AFF4: variants seen among roughly 807,000 people sequenced by gnomAD.
The protein encoded by AFF4 is AF4/FMR2 family member 4.
AFF4 carries 13 observed loss-of-function variants against 124.8 expected under a neutral mutation model. That is an observed-to-expected ratio of 0.10 (90% CI 0.07 to 0.17). The LOEUF (loss-of-function observed/expected upper bound fraction) is 0.17, where lower values mean the gene tolerates loss of function less well. Ranked by LOEUF, AFF4 falls within the 10% of genes least tolerant of loss-of-function variation. The pLI, the probability that AFF4 is intolerant of heterozygous loss-of-function variation, is 1.00. For synonymous variants in AFF4, 477 were observed against 496.1 expected (o/e 0.96, Z 0.51); for missense variants, 1,092 against 1,403.8 (o/e 0.78, Z 3.55).
intron 13 of AFF4, among the ~76,000 whole-genome samples, chr5:132,891,380 A>C (rs1466714995): frequency 6.6e-6 from 1 of 152,208 alleles, no homozygotes; most frequent in East Asian, 1.9e-4. Context: ...TTACTAAATA[A>C]TAGGTATTTT....
intron 7 of AFF4, chr5:132,901,164 C>T (rs889906263): frequency 1.0e-6 from 1 of 985,214 alleles, no homozygotes; most frequent in Non-Finnish European, 1.2e-6. Context: ...TGAATTCTCT[C>T]GGCCTTTATG....
In AFF4 at chr5:132,909,262, A is replaced by G. The variant is rs117050732; in HGVS notation, c.1051-4858T>C. Reference sequence around the variant, plus strand: ...TTGGGCTCAAATGACTCTCCAGCTCAGCCTCCCAAGTAGCTGGGATTATAG... The same window carrying G: ...TTGGGCTCAAATGACTCTCCAGCTCGGCCTCCCAAGTAGCTGGGATTATAG... On this transcript the variant is annotated intron_variant, in intron 5 of 20. Transcript: ENST00000265343. 4.6e-5 allele frequency among the ~76,000 whole-genome samples: 7 copies of G among 151,368 alleles called. No homozygotes were observed. The East Asian group carries it at 1.2e-3, about 25-fold the overall frequency.
At chr5:132,952,262 T>A (rs570025456) in intron 1 of AFF4, among the ~76,000 whole-genome samples, 1 of 152,326 alleles carries the variant, frequency 6.6e-6, no homozygotes, top group South Asian at 2.1e-4. Flanking sequence ...TTCTACTGTT[T>A]CCAATTTCCC....
chr5:132,883,267 G>A, intron 20 of AFF4, 73 bp downstream of exon 20: 9 of 1,371,986 alleles, frequency 6.6e-6, no homozygotes, highest in Non-Finnish European at 8.2e-6. Flanking sequence ...CAGACTAAAC[G>A]CTTACTTAAC....
chr5:132,926,394 G>A (rs1025158760), intron 5 of AFF4, among the ~76,000 whole-genome samples: 1 of 152,132 alleles, frequency 6.6e-6, no homozygotes, highest in Non-Finnish European at 1.5e-5. Context: ...AAACAACCTT[G>A]GAACTGTTAT....
intron 14 of AFF4, 71 bp from the exon 15 acceptor site, chr5:132,888,231 G>A (rs1238689617): frequency 1.7e-6 from 2 of 1,170,952 alleles, no homozygotes; most frequent in Admixed American, 4.6e-5. Flanking sequence ...TCAGTATCTA[G>A]TATCCCTCAG....
At chr5:132,906,452 A>C (rs374208036) in intron 5 of AFF4, among the ~76,000 whole-genome samples, 67 of 152,348 alleles carry the variant, frequency 4.4e-4, no homozygotes, top group African/African-American at 1.6e-3. Context: ...AAGTACTGTT[A>C]CATGCTACAA....
At chr5:132,941,710 G>A (rs79146211) in intron 1 of AFF4, among the ~76,000 whole-genome samples, 3,067 of 151,348 alleles carry the variant, frequency 0.02, 82 homozygotes, top group African/African-American at 0.055. Flanking sequence ...TTTTTCGCAC[G>A]CACAAGCAAG....
intron 17 of AFF4, 82 bp from the exon 18 acceptor site, chr5:132,886,485 G>A: frequency 1.6e-6 from 2 of 1,260,518 alleles, no homozygotes; most frequent in East Asian, 4.7e-5. Context: ...GCATTGTGCA[G>A]GAGACTGGCT....
intron 1 of AFF4, among the ~76,000 whole-genome samples, chr5:132,951,014 C>CAGG (rs1446908135): frequency 1.3e-5 from 2 of 152,170 alleles, no homozygotes; most frequent in African/African-American, 4.8e-5. Flanking sequence ...CACTTGAAGC[C>CAGG]AGGAGTTCAA....
chr5:132,920,120 G>A (rs1761009353), intron 5 of AFF4, among the ~76,000 whole-genome samples: 1 of 151,768 alleles, frequency 6.6e-6, no homozygotes, highest in South Asian at 2.1e-4. Context: ...CGCAATCTTG[G>A]CTCACTGCAA....
At chr5:132,946,171 G>C (rs1281365918) in intron 1 of AFF4, among the ~76,000 whole-genome samples, 5 of 152,154 alleles carry the variant, frequency 3.3e-5, no homozygotes, top group African/African-American at 1.2e-4. Context: ...AAAATAACAC[G>C]TGTTGGTGAG....
intron 1 of AFF4, among the ~76,000 whole-genome samples, chr5:132,938,037 C>G (rs1387854226): frequency 6.6e-6 from 1 of 151,180 alleles, no homozygotes; most frequent in African/African-American, 2.4e-5. Context: ...AACTCTGGCA[C>G]TAGGGATTAC....
intron 4 of AFF4, among the ~76,000 whole-genome samples, chr5:132,931,848 G>T (rs1325319248): frequency 6.6e-6 from 1 of 152,140 alleles, no homozygotes; most frequent in East Asian, 1.9e-4. Flanking sequence ...GGAGGCTAAG[G>T]TTAAAGAATT....
chr5:132,901,262 G>T, intron 7 of AFF4: 1 of 516,406 alleles, frequency 1.9e-6, no homozygotes, highest in Non-Finnish European at 2.5e-6. Flanking sequence ...GCACGCTTTT[G>T]TTCCCTCACA....
chr5:132,909,389 C>T (rs887093612), intron 5 of AFF4, among the ~76,000 whole-genome samples: 5 of 152,120 alleles, frequency 3.3e-5, no homozygotes, highest in East Asian at 1.9e-4. Context: ...GTGATCCACC[C>T]GCCTCAGCCT....
In AFF4 at chr5:132,959,828, G is replaced by A. The variant is rs373902465; in HGVS notation, c.-5+3431C>T. 1.5e-4 allele frequency among the ~76,000 whole-genome samples: 22 copies of A among 141,994 alleles called. No homozygotes were observed. In the South Asian group the frequency reaches 2.4e-3, roughly 16 times the overall value. 93.2% of individuals were successfully genotyped at this position (141,994 alleles called of 152,430 possible). A position where few individuals can be genotyped will look rare whatever the true frequency, so the allele number is the denominator to read the frequency against. On this transcript the variant is annotated intron_variant, in intron 1 of 20. Coordinates refer to ENST00000265343, the MANE Select transcript of AFF4 (RefSeq NM_014423.4). ...TGCCCAGGCTGGAGTGCAGTGGTGC[G>A]ATCTCGACTCACTGCAAGCTCCGCC...
chr5:132,890,185 T>C (rs1031813822), intron 13 of AFF4, among the ~76,000 whole-genome samples: 1 of 151,308 alleles, frequency 6.6e-6, no homozygotes, highest in African/African-American at 2.4e-5. Context: ...AAATATAAAA[T>C]TTTTAAATAT....
At chr5:132,885,564 T>C (rs1760099611) in intron 18 of AFF4, among the ~76,000 whole-genome samples, 1 of 152,064 alleles carries the variant, frequency 6.6e-6, no homozygotes, top group South Asian at 2.1e-4. Flanking sequence ...GCAGTTTGCC[T>C]AAAGCAGAGG....
Sources: gnomAD v4.1 joint callset for allele counts (sites outside exome capture counted in the v4.1 genomes callset) on GRCh38, gnomAD v4.1.1 for gene constraint, MANE v1.5 for transcripts, NCBI Gene and HGNC (gene_info 2026-07-23, HGNC 2026-07-21) for gene names.